HYDIN: variants seen among roughly 807,000 people sequenced by gnomAD.
HYDIN encodes HYDIN axonemal central pair apparatus protein.
In HYDIN, 132 loss-of-function variants were observed where a neutral mutation model predicts 403.9. The ratio of observed to expected loss-of-function variants is 0.33; its 90% CI spans 0.28 to 0.38. HYDIN has a LOEUF of 0.38. Ranked by LOEUF, HYDIN falls within the 10% of genes least tolerant of loss-of-function variation. The pLI, the probability that HYDIN is intolerant of heterozygous loss-of-function variation, is 1.00. For synonymous variants in HYDIN, 1,202 were observed against 1,891.7 expected (o/e 0.64, Z 9.46); for missense variants, 2,827 against 5,009.5 (o/e 0.56, Z 13.15).
At chr16:71,214,537 T>C (rs200111302) in intron 1 of HYDIN, among the ~76,000 whole-genome samples, 11 of 152,164 alleles carry the variant, frequency 7.2e-5, no homozygotes, top group African/African-American at 1.9e-4. Flanking sequence ...ACAGTGTAAG[T>C]TGGAAGCACC....
At chr16:71,069,757 A>G (rs1393110390) in intron 13 of HYDIN, among the ~76,000 whole-genome samples, 2 of 152,154 alleles carry the variant, frequency 1.3e-5, no homozygotes, top group Non-Finnish European at 2.9e-5. Flanking sequence ...TATGTGGGAG[A>G]TTAAACACCA....
At chr16:70,876,961 GTCTGA>G (rs1226872154) in intron 62 of HYDIN, among the ~76,000 whole-genome samples, 1 of 143,300 alleles carries the variant, frequency 7.0e-6, no homozygotes, top group Non-Finnish European at 1.5e-5. Context: ...TAAAAGTCAT[GTCTGA>G]CAATTTCAGC....
At chr16:71,028,609 G>C (rs2080798771) in intron 19 of HYDIN, among the ~76,000 whole-genome samples, 1 of 151,028 alleles carries the variant, frequency 6.6e-6, no homozygotes, top group Admixed American at 6.6e-5. Flanking sequence ...TATTTTCTTA[G>C]GGAAAAACTC....
Position 70,920,786 on chromosome 16 carries a change from C to T in HYDIN, c.7590G>A (p.Lys2530=), listed in dbSNP as rs1025733353. The T allele has an allele frequency of 3.0e-5, 47 of 1,560,008 alleles. No homozygotes were observed. The highest frequency in any genetic ancestry group is 4.0e-5 in the Non-Finnish European group (46 of 1,151,340). The change falls in exon 46 of 86, where the codon AAG becomes AAA. Residue 2530 remains lysine (K), a synonymous_variant. Transcript: ENST00000393567. ...GCTTCTCCAGGCGCTCCCGCTCCGCCTTCTCCCTCTCCAGGCGCTCCTTCT... is the reference window on the plus strand; with the variant it reads ...GCTTCTCCAGGCGCTCCCGCTCCGCTTTCTCCCTCTCCAGGCGCTCCTTCT... ...RTEKERLERE[K]AERERLEKLR...
In HYDIN at chr16:70,985,498, G is replaced by A. The variant is rs142531004; in HGVS notation, c.4195-176C>T. Among the ~76,000 whole-genome samples the A allele has an allele frequency of 4.4e-3, 669 of 152,224 alleles. 4 individuals carry two copies. Among genetic ancestry groups the A allele is most frequent in the African/African-American group, 0.015 (628 of 41,504 alleles). Reference sequence around the variant, plus strand: ...TGGGGCACTAGACTCTGGAAACCTGGCTCTTAGTTCTTCTAAGAACCGATT... The same window carrying A: ...TGGGGCACTAGACTCTGGAAACCTGACTCTTAGTTCTTCTAAGAACCGATT... On this transcript the variant is annotated intron_variant, in intron 27 of 85. Coordinates refer to ENST00000393567, the MANE Select transcript of HYDIN (RefSeq NM_001270974.2).
At chr16:70,949,704 G>C (rs1553955) in intron 41 of HYDIN, among the ~76,000 whole-genome samples, 1 of 123,652 alleles carries the variant, frequency 8.1e-6, no homozygotes, top group Non-Finnish European at 1.8e-5. Context: ...TTCACAGGGG[G>C]ACACTGTTGT....
At chr16:71,136,844 T>A (rs1189773286) in intron 8 of HYDIN, among the ~76,000 whole-genome samples, 1 of 143,198 alleles carries the variant, frequency 7.0e-6, no homozygotes. Flanking sequence ...TAGAGACAGG[T>A]AGACTTGTTT....
intron 75 of HYDIN, among the ~76,000 whole-genome samples, chr16:70,844,828 T>A (rs2038087186): frequency 6.6e-6 from 1 of 151,396 alleles, no homozygotes; most frequent in South Asian, 2.1e-4. Context: ...AGTTCACTCA[T>A]GATTTGGCTC....
intron 76 of HYDIN, among the ~76,000 whole-genome samples, chr16:70,838,216 A>G (rs994885550): frequency 1.3e-5 from 2 of 151,830 alleles, no homozygotes; most frequent in Non-Finnish European, 2.9e-5. Context: ...TTGGAGACAG[A>G]GTCTCACTCT....
At chr16:70,894,323 C>G (rs1597246308) in intron 55 of HYDIN, 126 bp downstream of exon 55, 3 of 1,322,772 alleles carry the variant, frequency 2.3e-6, no homozygotes, top group Admixed American at 5.0e-5. Flanking sequence ...ACACGCTATT[C>G]CCCACGGTGG....
chr16:71,062,537 T>C (rs1026825691), intron 16 of HYDIN: 2 of 520,628 alleles, frequency 3.8e-6, no homozygotes, highest in African/African-American at 1.9e-5. Flanking sequence ...AAATTCAAAG[T>C]GCCCAGCACA....
At chr16:70,981,280 C>A in intron 29 of HYDIN, 111 bp downstream of exon 29, 2 of 1,448,268 alleles carry the variant, frequency 1.4e-6, no homozygotes, top group Non-Finnish European at 9.1e-7. Context: ...TGGAAGAGAA[C>A]CACAGGGCAT....
At chr16:70,831,382 G>A (rs1261615571) in intron 80 of HYDIN, among the ~76,000 whole-genome samples, 3 of 149,398 alleles carry the variant, frequency 2.0e-5, no homozygotes, top group African/African-American at 7.4e-5. Context: ...TGATGGTGGG[G>A]GCCTGTAATT....
At position 70,824,811 on chromosome 16, in the gene HYDIN, T is replaced by C. The variant is rs138911038; in HGVS notation, c.14427+2450A>G. On this transcript the variant is annotated intron_variant, in intron 83 of 85. Coordinates refer to ENST00000393567, the MANE Select transcript of HYDIN (RefSeq NM_001270974.2). ...TAATTCAGAAAGTTTTAATTTTGTA[T>C]TTATTTTCAGATAGAATTTGTGCAT... is the stretch of plus-strand genomic sequence containing the variant. 5.3e-5 allele frequency among the ~76,000 whole-genome samples: 8 copies of C among 152,274 alleles called. No individual in the cohort carries two copies. In the East Asian group the frequency reaches 1.5e-3, roughly 29 times the overall value.
chr16:71,043,830 T>G (rs2081364782), intron 18 of HYDIN, among the ~76,000 whole-genome samples: 1 of 151,876 alleles, frequency 6.6e-6, no homozygotes, highest in Non-Finnish European at 1.5e-5. Context: ...GGCTCATGCC[T>G]GTAATCCCAG....
At chr16:71,192,438 C>T (rs907504586) in intron 1 of HYDIN, among the ~76,000 whole-genome samples, 8 of 151,954 alleles carry the variant, frequency 5.3e-5, no homozygotes, top group Non-Finnish European at 7.4e-5. Flanking sequence ...TCGTTTCGTC[C>T]GGAACACTCT....
intron 10 of HYDIN, among the ~76,000 whole-genome samples, chr16:71,106,576 A>G (rs2083625188): frequency 6.6e-6 from 1 of 152,158 alleles, no homozygotes; most frequent in African/African-American, 2.4e-5. Flanking sequence ...TTCAAAAGAA[A>G]AGAGGATTGC....
intron 10 of HYDIN, among the ~76,000 whole-genome samples, chr16:71,097,683 A>T (rs2083314231): frequency 6.9e-6 from 1 of 144,882 alleles, no homozygotes. Flanking sequence ...AGCAGTGGGG[A>T]TATCACCACT....
intron 47 of HYDIN, among the ~76,000 whole-genome samples, chr16:70,911,585 G>A (rs796343448): frequency 6.9e-6 from 1 of 144,310 alleles, no homozygotes; most frequent in Non-Finnish European, 1.5e-5. Flanking sequence ...GTCTTGCTTT[G>A]GCTATGTGGG....
Sources: allele counts gnomAD v4.1 joint callset (sites outside exome capture counted in the v4.1 genomes callset), GRCh38; gene constraint gnomAD v4.1.1; transcripts MANE v1.5; gene names NCBI Gene and HGNC (gene_info 2026-07-23, HGNC 2026-07-21).